The following RPH3A variants were observed in gnomAD, a reference collection of about 807,000 sequenced individuals.
RPH3A encodes the protein rabphilin-3A.
RPH3A carries 48 observed loss-of-function variants against 102.2 expected under a neutral mutation model. The observed-to-expected ratio is 0.47, with a 90% CI of 0.37 to 0.60. RPH3A has a LOEUF of 0.60. Ranked by LOEUF, RPH3A falls within the 20% of genes least tolerant of loss-of-function variation. RPH3A has a pLI of 0.00. For synonymous variants in RPH3A, 310 were observed against 324.3 expected (o/e 0.96, Z 0.47); for missense variants, 781 against 910.1 (o/e 0.86, Z 1.83).
chr12:112,725,594 C>G (rs774001182), intron 1 of RPH3A, among the ~76,000 whole-genome samples: 1 of 152,138 alleles, frequency 6.6e-6, no homozygotes, highest in Non-Finnish European at 1.5e-5. Flanking sequence ...CTGCTCTGTC[C>G]TCTACTCAGG....
intron 1 of RPH3A, among the ~76,000 whole-genome samples, chr12:112,654,794 C>T (rs1407131214): frequency 1.3e-5 from 2 of 152,172 alleles, no homozygotes; most frequent in African/African-American, 4.8e-5. Context: ...CTCCTTGATC[C>T]ATTGGTTAGT....
chr12:112,773,879 G>A (rs1402146237), intron 1 of RPH3A, among the ~76,000 whole-genome samples: 3 of 151,960 alleles, frequency 2.0e-5, no homozygotes, highest in Non-Finnish European at 2.9e-5. Context: ...TCAGGAGTTC[G>A]AGACCAGCCT....
intron 1 of RPH3A, among the ~76,000 whole-genome samples, chr12:112,769,598 C>T (rs2040914490): frequency 6.6e-6 from 1 of 152,192 alleles, no homozygotes; most frequent in South Asian, 2.1e-4. Context: ...GCCTTATTCT[C>T]TCTTGAGTAG....
chr12:112,892,997 G>C (rs935850586), intron 19 of RPH3A: 1 of 152,144 alleles, frequency 6.6e-6, no homozygotes, highest in African/African-American at 2.4e-5. Context: ...TTATTTCCTC[G>C]TATGACCCAA....
chr12:112,878,555 C>T (rs942565781), intron 13 of RPH3A, among the ~76,000 whole-genome samples: 2 of 152,150 alleles, frequency 1.3e-5, no homozygotes, highest in African/African-American at 2.4e-5. Flanking sequence ...AACATACCAA[C>T]GAATTCATTT....
intron 1 of RPH3A, among the ~76,000 whole-genome samples, chr12:112,643,485 C>G (rs73417144): frequency 0.022 from 3,346 of 152,330 alleles, 125 homozygotes; most frequent in African/African-American, 0.075. Flanking sequence ...ATTCATTCAG[C>G]CAACATTTCT....
chr12:112,780,130 C>T (rs1008598303), intron 1 of RPH3A, among the ~76,000 whole-genome samples: 1 of 152,138 alleles, frequency 6.6e-6, no homozygotes, highest in Non-Finnish European at 1.5e-5. Context: ...TCTGTTCTTC[C>T]TTTTCTCCCC....
intron 1 of RPH3A, among the ~76,000 whole-genome samples, chr12:112,580,607 C>T (rs901220352): frequency 1.3e-5 from 2 of 151,750 alleles, no homozygotes; most frequent in African/African-American, 2.4e-5. Context: ...GGGGTTTCAC[C>T]GTGTAAGCCA....
intron 5 of RPH3A, among the ~76,000 whole-genome samples, chr12:112,848,362 G>A (rs944156723): frequency 4.6e-5 from 7 of 152,100 alleles, no homozygotes; most frequent in African/African-American, 1.4e-4. Context: ...TAAGACAATC[G>A]GAGAAACCAG....
At chr12:112,674,285 A>G (rs1227896827) in intron 1 of RPH3A, among the ~76,000 whole-genome samples, 1 of 152,096 alleles carries the variant, frequency 6.6e-6, no homozygotes, top group Non-Finnish European at 1.5e-5. Flanking sequence ...ATTTTTATAT[A>G]GCAACTGAGA....
At chr12:112,691,215 G>A (rs2040304351) in intron 1 of RPH3A, among the ~76,000 whole-genome samples, 1 of 151,990 alleles carries the variant, frequency 6.6e-6, no homozygotes, top group Admixed American at 6.6e-5. Flanking sequence ...TAGTAGAGAC[G>A]GGGTTTCACC....
intron 1 of RPH3A, among the ~76,000 whole-genome samples, chr12:112,753,388 G>A (rs1385242752): frequency 2.6e-5 from 4 of 152,198 alleles, no homozygotes; most frequent in Non-Finnish European, 5.9e-5. Context: ...ATGAGATACT[G>A]TGGTACACAC....
Position 112,896,677 on chromosome 12 carries a change from A to T in RPH3A, c.1982A>T (p.Lys661Met). The T allele has an allele frequency of 6.2e-7, 1 of 1,614,090 alleles. No individual in the cohort carries two copies. The highest frequency in any genetic ancestry group is 8.5e-7 in the Non-Finnish European group (1 of 1,179,990). The part of the protein sequence containing the change: ...IGGCQLGISA[K>M]GERLKHWYEC... ...GGCTGCCAGCTGGGGATCTCTGCCA[A>T]GGGAGAGCGCTTAAAACACTGGTAC... Residue 661 changes from lysine (K) to methionine (M), a missense_variant, in exon 22 of 22, where the codon AAG (lysine) becomes ATG (methionine). Around this residue, in one of 2 missense-constraint regions of RPH3A, gnomAD observed 51 missense variants for 100.1 expected, o/e 0.51. Transcript: ENST00000389385.
chr12:112,701,355 T>G (rs1160769503), intron 1 of RPH3A, among the ~76,000 whole-genome samples: 1 of 152,190 alleles, frequency 6.6e-6, no homozygotes, highest in East Asian at 1.9e-4. Flanking sequence ...GTGGCTAAAA[T>G]TTCTCAGAGA....
At chr12:112,693,481 C>T (rs544202887) in intron 1 of RPH3A, among the ~76,000 whole-genome samples, 1 of 152,318 alleles carries the variant, frequency 6.6e-6, no homozygotes, top group South Asian at 2.1e-4. Context: ...GATAAGTCTG[C>T]CTTTCTTACC....
intron 1 of RPH3A, among the ~76,000 whole-genome samples, chr12:112,736,040 C>G (rs563005293): frequency 1.3e-5 from 2 of 152,140 alleles, no homozygotes; most frequent in Non-Finnish European, 2.9e-5. Context: ...ATGCTTTTCC[C>G]CCTCTTCTAA....
At chr12:112,758,152 C>A (rs531407340) in intron 1 of RPH3A, among the ~76,000 whole-genome samples, 5 of 152,308 alleles carry the variant, frequency 3.3e-5, no homozygotes, top group Admixed American at 6.5e-5. Flanking sequence ...TGTAGGGGAG[C>A]TGGAGGAGAG....
intron 1 of RPH3A, among the ~76,000 whole-genome samples, chr12:112,716,993 G>A (rs2040517458): frequency 2.0e-5 from 3 of 152,054 alleles, no homozygotes; most frequent in Admixed American, 6.6e-5. Flanking sequence ...AACATCAATC[G>A]CTGTGGACTT....
chr12:112,729,548 A>G (rs1015727088), intron 1 of RPH3A, among the ~76,000 whole-genome samples: 11 of 152,220 alleles, frequency 7.2e-5, no homozygotes, highest in African/African-American at 2.6e-4. Context: ...CAGAGTTAGG[A>G]CAGGGTAGAA....
Sources: allele counts gnomAD v4.1 joint callset (sites outside exome capture counted in the v4.1 genomes callset), GRCh38; gene constraint gnomAD v4.1.1; regional missense constraint gnomAD v4.1.1; transcripts MANE v1.5; gene names NCBI Gene and HGNC (gene_info 2026-07-23, HGNC 2026-07-21).